The following KAZN variants were observed in gnomAD, a reference collection of about 807,000 sequenced individuals.
KAZN encodes the protein kazrin.
Under a neutral mutation model 87.4 loss-of-function variants are expected in KAZN, and 40 were observed. The ratio of observed to expected loss-of-function variants is 0.46; its 90% CI spans 0.36 to 0.60. KAZN has a LOEUF of 0.60. Ranked by LOEUF, KAZN falls within the 20% of genes least tolerant of loss-of-function variation. The pLI is 0.00. For synonymous variants in KAZN, 466 were observed against 458.3 expected (o/e 1.02, Z -0.22); for missense variants, 898 against 1,073.9 (o/e 0.84, Z 2.29).
At chr1:14,530,945 C>A (rs1462274684) in intron 2 of KAZN, among the ~76,000 whole-genome samples, 1 of 152,052 alleles carries the variant, frequency 6.6e-6, no homozygotes, top group African/African-American at 2.4e-5. Flanking sequence ...TAGTGCTGTG[C>A]ACCTGTAGCC....
chr1:14,085,885 A>C (rs1643838664), intron 1 of KAZN, among the ~76,000 whole-genome samples: 1 of 152,196 alleles, frequency 6.6e-6, no homozygotes, highest in African/African-American at 2.4e-5. Context: ...AATATATGAG[A>C]ATTTCAGTTT....
At chr1:15,043,633 CTTTTTTTTTTT>C (rs71000361) in intron 3 of KAZN, among the ~76,000 whole-genome samples, 2 of 72,574 alleles carry the variant, frequency 2.8e-5, no homozygotes, top group African/African-American at 1.3e-4. Flanking sequence ...CTCCCCACTT[CTTTTTTTTTTT>C]TTTTTTTTTT....
intron 1 of KAZN, among the ~76,000 whole-genome samples, chr1:14,699,334 G>C (rs1289672085): frequency 6.6e-6 from 1 of 152,242 alleles, no homozygotes; most frequent in East Asian, 1.9e-4. Context: ...TTTTCCCATG[G>C]AGATAGGTTT....
chr1:14,922,206 C>T (rs1391194230), intron 1 of KAZN, among the ~76,000 whole-genome samples: 10 of 152,202 alleles, frequency 6.6e-5, no homozygotes, highest in Admixed American at 1.3e-4. Flanking sequence ...AAATAAACCA[C>T]AGTAGCCCCT....
At position 14,221,139 on chromosome 1, in the gene KAZN, C is replaced by T. The variant is rs575116102; in HGVS notation, c.249+40547C>T. Among the ~76,000 whole-genome samples, 3 of 152,236 alleles carry T rather than the reference C, an allele frequency of 2.0e-5. No homozygotes were observed. In the South Asian group the frequency reaches 6.2e-4, roughly 32 times the overall value. Reference sequence around the variant, plus strand: ...AGCCCTGAGGATGTAATCACTCATTCCTTCACTAATTCACTTCCTTTTAAT... The same window carrying T: ...AGCCCTGAGGATGTAATCACTCATTTCTTCACTAATTCACTTCCTTTTAAT... On this transcript the variant is annotated intron_variant, in intron 2 of 16. Transcript: ENST00000636203.
At chr1:14,008,604 T>G (rs1640140738) in intron 1 of KAZN, among the ~76,000 whole-genome samples, 1 of 152,324 alleles carries the variant, frequency 6.6e-6, no homozygotes, top group South Asian at 2.1e-4. Context: ...GATGGGCAAG[T>G]AAAGAGATAA....
intron 2 of KAZN, among the ~76,000 whole-genome samples, chr1:14,571,446 T>C (rs1385985130): frequency 1.3e-5 from 2 of 152,228 alleles, no homozygotes; most frequent in Non-Finnish European, 1.5e-5. Context: ...CTTACACTTC[T>C]GTTTTTGCTT....
intron 1 of KAZN, among the ~76,000 whole-genome samples, chr1:14,641,715 G>A (rs900741723): frequency 9.2e-5 from 14 of 152,156 alleles, no homozygotes; most frequent in African/African-American, 2.7e-4. Context: ...ACCACCCTTC[G>A]TTACGAGAAA....
intron 2 of KAZN, among the ~76,000 whole-genome samples, chr1:14,483,032 A>T (rs971052737): frequency 6.6e-6 from 1 of 152,146 alleles, no homozygotes; most frequent in African/African-American, 2.4e-5. Flanking sequence ...AATATATGCA[A>T]AGAGCTTTTC....
intron 1 of KAZN, among the ~76,000 whole-genome samples, chr1:14,175,258 T>C (rs1052237573): frequency 6.6e-6 from 1 of 152,188 alleles, no homozygotes; most frequent in Non-Finnish European, 1.5e-5. Flanking sequence ...CGCCTGCCAC[T>C]ACGCCTGGCT....
intron 1 of KAZN, among the ~76,000 whole-genome samples, chr1:14,733,066 A>G (rs1643749817): frequency 1.3e-5 from 2 of 152,150 alleles, no homozygotes; most frequent in Non-Finnish European, 2.9e-5. Context: ...TGGTTCAGAC[A>G]TGAGCAACCA....
At chr1:15,039,943 G>A (rs1672723529) in intron 3 of KAZN, among the ~76,000 whole-genome samples, 1 of 152,182 alleles carries the variant, frequency 6.6e-6, no homozygotes, top group African/African-American at 2.4e-5. Flanking sequence ...TCAGAAAAAT[G>A]AACTTTGGAA....
At chr1:14,500,530 T>C (rs921527014) in intron 2 of KAZN, among the ~76,000 whole-genome samples, 1 of 151,882 alleles carries the variant, frequency 6.6e-6, no homozygotes, top group Non-Finnish European at 1.5e-5. Context: ...AAACTTCCAC[T>C]TTAAGGAATT....
chr1:15,005,000 G>C (rs1298972615), intron 2 of KAZN, among the ~76,000 whole-genome samples: 1 of 152,090 alleles, frequency 6.6e-6, no homozygotes, highest in Non-Finnish European at 1.5e-5. Flanking sequence ...GTGATACAGA[G>C]GTAAATACGC....
intron 1 of KAZN, among the ~76,000 whole-genome samples, chr1:13,982,185 T>C (rs934743267): frequency 4.6e-5 from 7 of 152,220 alleles, no homozygotes; most frequent in Non-Finnish European, 8.8e-5. Flanking sequence ...AGGCGGATCA[T>C]GGACGTGTTT....
intron 2 of KAZN, among the ~76,000 whole-genome samples, chr1:14,454,601 A>G (rs993222313): frequency 6.6e-6 from 1 of 152,220 alleles, no homozygotes; most frequent in African/African-American, 2.4e-5. Flanking sequence ...TGCCTTTACC[A>G]TAGTTAGTGA....
intron 2 of KAZN, among the ~76,000 whole-genome samples, chr1:14,961,304 T>C (rs1156992286): frequency 1.3e-5 from 2 of 152,192 alleles, no homozygotes; most frequent in Non-Finnish European, 2.9e-5. Context: ...CTCACCATGA[T>C]GGGCTCTCCT....
intron 1 of KAZN, among the ~76,000 whole-genome samples, chr1:14,117,169 A>G (rs1206484035): frequency 6.6e-6 from 1 of 152,092 alleles, no homozygotes; most frequent in Non-Finnish European, 1.5e-5. Context: ...ATTGGTTTTG[A>G]TATGTGAGGA....
At chr1:14,763,057 T>G (rs914748453) in intron 1 of KAZN, among the ~76,000 whole-genome samples, 3 of 152,220 alleles carry the variant, frequency 2.0e-5, no homozygotes, top group African/African-American at 7.2e-5. Context: ...CATCCTGTTT[T>G]GACACCGAAT....
Sources: gnomAD v4.1 joint callset for allele counts (sites outside exome capture counted in the v4.1 genomes callset) on GRCh38, gnomAD v4.1.1 for gene constraint, MANE v1.5 for transcripts, NCBI Gene and HGNC (gene_info 2026-07-23, HGNC 2026-07-21) for gene names.